The following GPC6 variants were observed in gnomAD, a reference collection of about 807,000 sequenced individuals.
GPC6 encodes glypican 6.
Under a neutral mutation model 55.2 loss-of-function variants are expected in GPC6, and 14 were observed. That is an observed-to-expected ratio of 0.25 (90% CI 0.17 to 0.40). The LOEUF is 0.40. Among genes scored for constraint, GPC6 ranks in the 10% least tolerant of loss-of-function variants. The pLI is 1.00. For missense variants in GPC6, 641 were observed against 708.5 expected (o/e 0.90, Z 1.08); for synonymous variants, 278 against 259.6 (o/e 1.07, Z -0.68).
intron 2 of GPC6, among the ~76,000 whole-genome samples, chr13:93,670,372 T>C (rs1044284949): frequency 2.6e-5 from 4 of 152,182 alleles, no homozygotes; most frequent in Admixed American, 6.5e-5. Flanking sequence ...ATAATACTAC[T>C]TTTAAAAACA....
At chr13:93,599,339 G>A (rs752851007) in intron 2 of GPC6, among the ~76,000 whole-genome samples, 10 of 150,364 alleles carry the variant, frequency 6.7e-5, no homozygotes, top group South Asian at 6.3e-4. Flanking sequence ...CAAAAGTAAC[G>A]TTGCTGAGAT....
At chr13:93,469,188 C>T (rs1879021616) in intron 1 of GPC6, among the ~76,000 whole-genome samples, 1 of 152,038 alleles carries the variant, frequency 6.6e-6, no homozygotes, top group African/African-American at 2.4e-5. Context: ...AATCCCACTT[C>T]AAAATTCAAT....
At chr13:93,409,092 C>G (rs1414462202) in intron 1 of GPC6, among the ~76,000 whole-genome samples, 1 of 151,448 alleles carries the variant, frequency 6.6e-6, no homozygotes, top group East Asian at 1.9e-4. Context: ...CTATAAGGGT[C>G]AAATGAATAA....
intron 3 of GPC6, among the ~76,000 whole-genome samples, chr13:93,964,876 T>C (rs1264812155): frequency 6.6e-6 from 1 of 152,148 alleles, no homozygotes; most frequent in Non-Finnish European, 1.5e-5. Flanking sequence ...TTCCGCTGAC[T>C]TCTACATGGG....
In GPC6 at chr13:93,571,792, G is replaced by C. The variant is rs141820685; in HGVS notation, c.319+26371G>C. Among the ~76,000 whole-genome samples, 303 of 152,202 alleles carry C rather than the reference G, an allele frequency of 2.0e-3. 2 individuals carry two copies. Among genetic ancestry groups the C allele is most frequent in the African/African-American group, 6.7e-3 (279 of 41,544 alleles). ...ATATAGGTATTTTCTTCATGTTTTA[G>C]ATGGGAAAGGGAACAGAGGTTTTGG... On this transcript the variant is annotated intron_variant, in intron 2 of 8. Coordinates refer to ENST00000377047, the MANE Select transcript of GPC6 (RefSeq NM_005708.5).
rs375805161 is a variant in GPC6 at position 93,591,229 on chromosome 13, C to A, written c.319+45808C>A. ...CTGTAATCCCAGCACTTCGGGAGGC[C>A]GAGGTGGGCGGATCATGAGGTCAGG... On this transcript the variant is annotated intron_variant, in intron 2 of 8. Coordinates refer to ENST00000377047, the MANE Select transcript of GPC6 (RefSeq NM_005708.5). 1.5e-4 allele frequency among the ~76,000 whole-genome samples: 22 copies of A among 151,292 alleles called. 1 individual carries two copies. Among genetic ancestry groups the A allele is most frequent in the African/African-American group, 5.4e-4 (22 of 41,066 alleles).
rs61964165 is a variant in GPC6 at position 93,415,850 on chromosome 13, C to T, written c.161-129413C>T. On this transcript the variant is annotated intron_variant, in intron 1 of 8. Transcript: ENST00000377047. ...TTGGTACGTGCATCTTTTTTATTGA[C>T]GTGTTAGAAATGTAATCATTGCTAA... 9.2e-5 allele frequency among the ~76,000 whole-genome samples: 14 copies of T among 151,962 alleles called. No individual in the cohort carries two copies. The East Asian group carries it at 1.4e-3, about 15-fold the overall frequency.
chr13:93,763,681 A>C (rs1180473580), intron 2 of GPC6, among the ~76,000 whole-genome samples: 1 of 152,260 alleles, frequency 6.6e-6, no homozygotes, highest in East Asian at 1.9e-4. Flanking sequence ...ATTTCTAAAA[A>C]GAAATATCTG....
chr13:94,122,579 A>T (rs1249806439), intron 4 of GPC6, among the ~76,000 whole-genome samples: 1 of 152,058 alleles, frequency 6.6e-6, no homozygotes, highest in East Asian at 1.9e-4. Flanking sequence ...ATGGGTAAGA[A>T]AGGAGATGAG....
At chr13:94,000,815 C>T (rs1301095411) in intron 3 of GPC6, among the ~76,000 whole-genome samples, 1 of 152,150 alleles carries the variant, frequency 6.6e-6, no homozygotes, top group East Asian at 1.9e-4. Context: ...CAAAGAGTGT[C>T]TTCTGGTGTG....
At chr13:93,315,889 A>G (rs1433131500) in intron 1 of GPC6, among the ~76,000 whole-genome samples, 1 of 151,992 alleles carries the variant, frequency 6.6e-6, no homozygotes, top group Non-Finnish European at 1.5e-5. Flanking sequence ...TGAGCAAGAT[A>G]TTTGGACAAA....
rs375723524 is a variant in GPC6 at position 93,265,272 on chromosome 13, T to G, written c.160+37656T>G. On this transcript the variant is annotated intron_variant, in intron 1 of 8. Coordinates refer to ENST00000377047, the MANE Select transcript of GPC6 (RefSeq NM_005708.5). The stretch of plus-strand genomic sequence containing the variant: ...GTGTTTGTTAAGAGCTATATTTAAG[T>G]TTCCTTTTATGTATTTAATATATAT... Among the ~76,000 whole-genome samples the G allele has an allele frequency of 9.0e-4, 137 of 152,312 alleles. 3 individuals are homozygous for G. In the South Asian group the frequency reaches 0.027, roughly 30 times the overall value.
chr13:93,732,660 T>C (rs1883869518), intron 2 of GPC6, among the ~76,000 whole-genome samples: 2 of 152,286 alleles, frequency 1.3e-5, no homozygotes, highest in South Asian at 4.1e-4. Context: ...ATTCAATAAA[T>C]GTATTTTAAG....
chr13:93,311,433 G>C (rs1488711163), intron 1 of GPC6, among the ~76,000 whole-genome samples: 1 of 152,060 alleles, frequency 6.6e-6, no homozygotes, highest in Non-Finnish European at 1.5e-5. Context: ...TCAGGGAGGG[G>C]AGACTCTTCT....
At chr13:94,110,104 A>G (rs1886190647) in intron 4 of GPC6, among the ~76,000 whole-genome samples, 1 of 151,266 alleles carries the variant, frequency 6.6e-6, no homozygotes, top group Non-Finnish European at 1.5e-5. Flanking sequence ...AGCTGTAGTG[A>G]TAGGCAAGGG....
At chr13:93,653,448 G>A (rs2139601663) in intron 2 of GPC6, among the ~76,000 whole-genome samples, 1 of 152,094 alleles carries the variant, frequency 6.6e-6, no homozygotes, top group Admixed American at 6.6e-5. Context: ...TCGGCTTTTG[G>A]CAGTCCACCA....
chr13:93,823,675 G>A (rs774887605), intron 2 of GPC6, among the ~76,000 whole-genome samples: 22 of 152,210 alleles, frequency 1.4e-4, no homozygotes, highest in South Asian at 4.1e-4. Flanking sequence ...TGATGAAGAT[G>A]TTCTATTGCC....
chr13:94,280,377 G>A (rs539780726), intron 4 of GPC6, among the ~76,000 whole-genome samples: 1 of 152,054 alleles, frequency 6.6e-6, no homozygotes, highest in African/African-American at 2.4e-5. Flanking sequence ...TCAGATCCTG[G>A]CTTATGTACT....
chr13:94,253,212 T>A (rs1477474915), intron 4 of GPC6, among the ~76,000 whole-genome samples: 1 of 152,112 alleles, frequency 6.6e-6, no homozygotes, highest in African/African-American at 2.4e-5. Context: ...CGATGCTCAC[T>A]AAATGAGAAG....
Sources: allele counts gnomAD v4.1 joint callset (sites outside exome capture counted in the v4.1 genomes callset), GRCh38; gene constraint gnomAD v4.1.1; transcripts MANE v1.5; gene names NCBI Gene and HGNC (gene_info 2026-07-23, HGNC 2026-07-21).